Variants in C16orf89 observed in about 807,000 individuals in gnomAD.
C16orf89 encodes the protein UPF0764 protein C16orf89.
Under a neutral mutation model 41.5 loss-of-function variants are expected in C16orf89, and 57 were observed. The ratio of observed to expected loss-of-function variants is 1.38; its 90% CI spans 1.11 to 1.71. The LOEUF (loss-of-function observed/expected upper bound fraction) is 1.71. C16orf89 is among the 40% of genes most tolerant of loss of function. The pLI, the probability that C16orf89 is intolerant of heterozygous loss-of-function variation, is 0.00. For synonymous variants in C16orf89, 223 were observed against 190.6 expected (o/e 1.17, Z -1.40); for missense variants, 575 against 445.9 (o/e 1.29, Z -2.61).
intron 2 of C16orf89, among the ~76,000 whole-genome samples, chr16:5,061,264 G>GAAAAA (rs60439270): frequency 3.5e-5 from 2 of 57,792 alleles, no homozygotes. Context: ...TCCATCTCAA[G>GAAAAA]AAAAAAAAAA....
At chr16:5,054,099 T>G (rs1035399741) in intron 6 of C16orf89, among the ~76,000 whole-genome samples, 1 of 152,196 alleles carries the variant, frequency 6.6e-6, no homozygotes, top group Non-Finnish European at 1.5e-5. Context: ...TAAACTCTTT[T>G]AAAAACGCAC....
In C16orf89 at chr16:5,065,197, C is replaced by G. The variant is rs369206921; in HGVS notation, c.208+504G>C. Reference sequence around the variant, plus strand: ...TGTTTACCTTGGCCTGTCTCCAGCCCCCTTCTTGGGGATCTTATAGCTCTC... The same window carrying G: ...TGTTTACCTTGGCCTGTCTCCAGCCGCCTTCTTGGGGATCTTATAGCTCTC... On this transcript the variant is annotated intron_variant, in intron 1 of 7. Coordinates refer to ENST00000472572, the MANE Select transcript of C16orf89 (RefSeq NM_001098514.3). Among the ~76,000 whole-genome samples the G allele has an allele frequency of 3.9e-5, 6 of 152,294 alleles. No individual in the cohort carries two copies. In the East Asian group the frequency reaches 1.2e-3, roughly 29 times the overall value.
At chr16:5,048,523 C>T (rs2142608343) in intron 6 of C16orf89, among the ~76,000 whole-genome samples, 1 of 152,308 alleles carries the variant, frequency 6.6e-6, no homozygotes, top group African/African-American at 2.4e-5. Flanking sequence ...CAAACACCCA[C>T]CATCAGAACC....
rs751388460 is a variant in C16orf89 at position 5,055,273 on chromosome 16, G to A, written c.841C>T (p.Gln281Ter). 2 of 1,613,086 alleles carry A rather than the reference G, an allele frequency of 1.2e-6. No individual in the cohort carries two copies. Among genetic ancestry groups the A allele is most frequent in the Non-Finnish European group, 1.7e-6 (2 of 1,179,472 alleles). Reference protein sequence around the residue: ...WLEAILSWQKQQEGCFGEPDA... With the variant: ...WLEAILSWQK ...GGCTCCCCGAAGCATCCTTCCTGCTGTTTCTGCCAGCTGAGAATGGCCTCC... is the reference window on the plus strand; with the variant it reads ...GGCTCCCCGAAGCATCCTTCCTGCTATTTCTGCCAGCTGAGAATGGCCTCC... Residue 281 changes from glutamine to a stop codon, truncating the protein, a stop_gained, in exon 6 of 8, where the codon CAG (glutamine) becomes TAG (stop). Coordinates refer to ENST00000472572, the MANE Select transcript of C16orf89 (RefSeq NM_001098514.3). LOFTEE classifies it high-confidence loss of function.
At chr16:5,048,386 T>G (rs1956340054) in intron 6 of C16orf89, among the ~76,000 whole-genome samples, 1 of 152,180 alleles carries the variant, frequency 6.6e-6, no homozygotes, top group South Asian at 2.1e-4. Context: ...CCATAACATT[T>G]CAAGGAAGTT....
chr16:5,055,987 GTGTGTGTGTGTGT>G, intron 5 of C16orf89, 53 bp downstream of exon 5: 2 of 1,088,262 alleles, frequency 1.8e-6, no homozygotes, highest in Non-Finnish European at 2.7e-6. Context: ...GTGTGTGTGT[GTGTGTGTGTGTGT>G]TGGTGGGGGG....
At chr16:5,045,918 G>C (rs1956287813) in intron 7 of C16orf89, among the ~76,000 whole-genome samples, 1 of 152,152 alleles carries the variant, frequency 6.6e-6, no homozygotes, top group Non-Finnish European at 1.5e-5. Flanking sequence ...TCCAGGAAAG[G>C]CCTTGGGCTC....
intron 3 of C16orf89, 93 bp downstream of exon 3, chr16:5,060,193 A>C: frequency 7.0e-7 from 1 of 1,421,966 alleles, no homozygotes; most frequent in Non-Finnish European, 9.5e-7. Flanking sequence ...CCCTGGCTTC[A>C]GCCCTAGGGC....
rs747965111 is a variant in C16orf89, at chr16:5,044,512, C to G, written c.956-34G>C. 3 of 1,610,656 alleles carry G rather than the reference C, an allele frequency of 1.9e-6. No individual in the cohort carries two copies. In the Admixed American group the frequency reaches 5.1e-5, roughly 27 times the overall value. ...GAGAGCCCCCATGAGTGCTGGGTGGCAAGAACCTTGGCCCTTTATTCAACA... is the reference window on the plus strand; with the variant it reads ...GAGAGCCCCCATGAGTGCTGGGTGGGAAGAACCTTGGCCCTTTATTCAACA... On this transcript the variant is annotated intron_variant, in intron 7 of 7. Transcript: ENST00000472572.
At chr16:5,056,588 TACA>T (rs1358966849) in intron 4 of C16orf89, among the ~76,000 whole-genome samples, 4 of 152,126 alleles carry the variant, frequency 2.6e-5, no homozygotes, top group Admixed American at 1.3e-4. Flanking sequence ...CAATGCAATG[TACA>T]ACGAGCCTGA....
Position 5,044,217 on chromosome 16 carries a change from G to A in C16orf89, c.*131C>T. Reference sequence around the variant, plus strand: ...GCCTACTCAGGGCTTCCAAGATTGGGTGTCGGGGTGGCTTTGCTTATCCTC... The same window carrying A: ...GCCTACTCAGGGCTTCCAAGATTGGATGTCGGGGTGGCTTTGCTTATCCTC... On this transcript the variant is annotated 3_prime_UTR_variant, in exon 8 of 8. Transcript: ENST00000472572. The A allele has an allele frequency of 2.1e-6, 3 of 1,419,092 alleles. No homozygotes were observed. Among genetic ancestry groups the A allele is most frequent in the Non-Finnish European group, 2.7e-6 (3 of 1,091,958 alleles). 87.9% of individuals were successfully genotyped at this position (1,419,092 alleles called of 1,614,324 possible). A position where few individuals can be genotyped will look rare whatever the true frequency, so the allele number is the denominator to read the frequency against.
chr16:5,044,435 C>A lies in C16orf89; in HGVS notation c.999G>T (p.Leu333=), dbSNP rs572422519. The A allele has an allele frequency of 6.2e-7, 1 of 1,612,898 alleles. No individual in the cohort carries two copies. The highest frequency in any genetic ancestry group is 1.3e-5 in the African/African-American group (1 of 75,008). ...SHNTATAVAA[L]GGFLYILAEY... The stretch of plus-strand genomic sequence containing the variant: ...CTGCCAGGATGTATAGGAAGCCACC[C>A]AGGGCTGCCACTGCTGTGGCTGTGT... The change falls in exon 8 of 8, where the codon CTG becomes CTT. Residue 333 remains leucine (L), a synonymous_variant. Coordinates refer to ENST00000472572, the MANE Select transcript of C16orf89 (RefSeq NM_001098514.3).
At chr16:5,058,336 T>C (rs944541610) in intron 4 of C16orf89, among the ~76,000 whole-genome samples, 157 bp downstream of exon 4, 9 of 152,054 alleles carry the variant, frequency 5.9e-5, no homozygotes, top group African/African-American at 2.2e-4. Context: ...TTTCACCATG[T>C]TGGCCCAGCT....
chr16:5,047,781 A>G (rs1361751509), intron 7 of C16orf89, 97 bp downstream of exon 7: 9 of 755,722 alleles, frequency 1.2e-5, no homozygotes, highest in Non-Finnish European at 1.9e-5. Flanking sequence ...GGTGATGCCA[A>G]GTGCTTTTCT....
At chr16:5,050,920 T>C (rs967629907) in intron 6 of C16orf89, among the ~76,000 whole-genome samples, 4 of 152,208 alleles carry the variant, frequency 2.6e-5, no homozygotes, top group African/African-American at 9.7e-5. Context: ...ATAAATATGA[T>C]ACATTACACC....
chr16:5,043,583 AT>A (rs1389956114), downstream of C16orf89: 1 of 152,254 alleles, frequency 6.6e-6, no homozygotes, highest in African/African-American at 2.4e-5. Flanking sequence ...AAAAATGAGT[AT>A]GTGCTGCCTT....
Position 5,058,619 on chromosome 16 carries a change from A to G in C16orf89, c.510-9T>C, listed in dbSNP as rs767180204. 3 of 1,596,354 alleles carry G rather than the reference A, an allele frequency of 1.9e-6. No individual in the cohort carries two copies. In the South Asian group the frequency reaches 3.3e-5, roughly 18 times the overall value. On this transcript the variant is annotated splice_polypyrimidine_tract_variant and intron_variant, in intron 3 of 7. Transcript: ENST00000472572. Reference sequence around the variant, plus strand: ...GCTCGCTGCTGTCCGTCCTGGGGGAAAGTGGTTCCAAGCTGTTAAGGATGG... The same window carrying G: ...GCTCGCTGCTGTCCGTCCTGGGGGAGAGTGGTTCCAAGCTGTTAAGGATGG...
In C16orf89 at chr16:5,065,847, G is replaced by C; in HGVS notation, c.62C>G (p.Ser21Cys). Residue 21 changes from serine (S) to cysteine (C), a missense_variant, in exon 1 of 8, where the codon TCC (serine) becomes TGC (cysteine). Coordinates refer to ENST00000472572, the MANE Select transcript of C16orf89 (RefSeq NM_001098514.3). ...LLTALPPLWS[S>C]SLPGLDTAES... is the part of the protein sequence containing the mutation. ...AGCAGTGTCCAGCCCAGGCAGTGAG[G>C]AGGACCACAGCGGTGGCAGTGCTGT... 6.2e-7 allele frequency: 1 copy of C among 1,614,234 alleles called. No homozygotes were observed.
chr16:5,049,141 G>A (rs554954088), intron 6 of C16orf89, among the ~76,000 whole-genome samples: 8 of 152,266 alleles, frequency 5.3e-5, no homozygotes, highest in African/African-American at 1.9e-4. Context: ...TAATGATAAG[G>A]AATTTAGCAA....
Sources: gnomAD v4.1 joint callset for allele counts (sites outside exome capture counted in the v4.1 genomes callset) on GRCh38, gnomAD v4.1.1 for gene constraint, MANE v1.5 for transcripts, NCBI Gene and HGNC (gene_info 2026-07-23, HGNC 2026-07-21) for gene names.